Variants in LRMDA observed in about 807,000 individuals in gnomAD.
The protein encoded by LRMDA is leucine rich melanocyte differentiation associated.
Under a neutral mutation model 29.8 loss-of-function variants are expected in LRMDA, and 18 were observed. The ratio of observed to expected loss-of-function variants is 0.60; its 90% confidence interval spans 0.42 to 0.90. The LOEUF is 0.90. Among genes scored for constraint, LRMDA ranks in the 40% least tolerant of loss-of-function variants. The probability of loss-of-function intolerance (pLI) is 0.00; values close to 1 mark genes in which losing one functional copy is unlikely to be tolerated. For missense variants in LRMDA, 273 were observed against 273.9 expected, an observed-to-expected ratio of 1.00 and a Z score of 0.02; for synonymous variants, 125 against 109.4, an observed-to-expected ratio of 1.14 and a Z score of -0.89.
At chr10:76,264,339 A>G (rs534599279) in intron 5 of LRMDA, among the ~76,000 whole-genome samples, 3 of 142,060 alleles carry the variant, frequency 2.1e-5, no homozygotes, top group Non-Finnish European at 4.6e-5. Flanking sequence ...CCCAGGAGGC[A>G]GAGGTTGCAG....
Position 76,372,948 on chromosome 10 carries a change from T to A in LRMDA, c.601+48463T>A, listed in dbSNP as rs557394907. The stretch of plus-strand genomic sequence containing the variant: ...CTTCAGAAAAGGGTTCCATTTTTTT[T>A]AAAAAGGGTCCTTATCAAGTGTATT... On this transcript the variant is annotated intron_variant, in intron 6 of 6. Transcript: ENST00000611255. 3.2e-3 allele frequency among the ~76,000 whole-genome samples: 483 copies of A among 152,206 alleles called. 4 individuals are homozygous for A. Among genetic ancestry groups the A allele is most frequent in the African/African-American group, 0.011 (449 of 41,512 alleles).
At chr10:76,392,846 A>G (rs569741170) in intron 6 of LRMDA, among the ~76,000 whole-genome samples, 1 of 152,144 alleles carries the variant, frequency 6.6e-6, no homozygotes, top group Admixed American at 6.5e-5. Context: ...CAACTTACTT[A>G]TACTCCCAGC....
intron 6 of LRMDA, among the ~76,000 whole-genome samples, chr10:76,452,773 G>C (rs1465346213): frequency 6.6e-6 from 1 of 152,160 alleles, no homozygotes; most frequent in African/African-American, 2.4e-5. Context: ...AAATGTTTAT[G>C]TATTTGTTTT....
chr10:75,871,736 CTGAT>C (rs1845114634), intron 2 of LRMDA, among the ~76,000 whole-genome samples: 1 of 152,170 alleles, frequency 6.6e-6, no homozygotes, highest in Admixed American at 6.5e-5. Flanking sequence ...CAATATCGGA[CTGAT>C]TGTGTTTTAA....
chr10:75,473,393 CAGTA>C (rs1170782760), intron 2 of LRMDA, among the ~76,000 whole-genome samples: 1 of 152,196 alleles, frequency 6.6e-6, no homozygotes, highest in Non-Finnish European at 1.5e-5. Flanking sequence ...ACAGAGATGA[CAGTA>C]AGTGTTACTC....
At chr10:76,139,363 C>T (rs746049708) in intron 5 of LRMDA, among the ~76,000 whole-genome samples, 78 of 152,048 alleles carry the variant, frequency 5.1e-4, no homozygotes, top group Non-Finnish European at 8.7e-4. Context: ...GCATATTATC[C>T]TACAATTTAA....
At chr10:76,232,457 G>A (rs1852075404) in intron 5 of LRMDA, among the ~76,000 whole-genome samples, 1 of 152,200 alleles carries the variant, frequency 6.6e-6, no homozygotes, top group African/African-American at 2.4e-5. Context: ...TCTTCATAGG[G>A]GAGAAGAGAG....
chr10:75,831,702 C>T (rs1844348782), intron 2 of LRMDA, among the ~76,000 whole-genome samples: 2 of 152,216 alleles, frequency 1.3e-5, no homozygotes, highest in South Asian at 2.1e-4. Context: ...GCTCCCCACC[C>T]CTGCAGCAAA....
intron 2 of LRMDA, among the ~76,000 whole-genome samples, chr10:75,774,439 A>G (rs1022827692): frequency 2.0e-5 from 3 of 152,284 alleles, no homozygotes; most frequent in Middle Eastern, 3.4e-3. Flanking sequence ...GTTAAATTCA[A>G]AAATAATTAA....
intron 2 of LRMDA, among the ~76,000 whole-genome samples, chr10:75,662,397 A>G (rs1041434403): frequency 6.6e-6 from 1 of 152,204 alleles, no homozygotes; most frequent in Non-Finnish European, 1.5e-5. Flanking sequence ...ACACGGAAAC[A>G]CATTAGAACT....
chr10:75,578,252 A>C (rs1001623521), intron 2 of LRMDA, among the ~76,000 whole-genome samples: 5 of 147,846 alleles, frequency 3.4e-5, no homozygotes, highest in Non-Finnish European at 4.5e-5. Flanking sequence ...AGCAGTTGCA[A>C]TTGAGTCTCT....
intron 5 of LRMDA, among the ~76,000 whole-genome samples, chr10:76,276,357 T>G (rs1425698601): frequency 2.0e-5 from 3 of 152,030 alleles, no homozygotes; most frequent in African/African-American, 7.2e-5. Context: ...TTGTCCAGAC[T>G]GGTCTCAAGC....
intron 2 of LRMDA, among the ~76,000 whole-genome samples, chr10:75,987,990 A>C (rs759400689): frequency 6.6e-6 from 1 of 152,202 alleles, no homozygotes; most frequent in Non-Finnish European, 1.5e-5. Context: ...ATGGCCAGAT[A>C]CTTTCATTAA....
chr10:75,854,404 A>AC (rs1040212762), intron 2 of LRMDA, among the ~76,000 whole-genome samples: 3 of 151,264 alleles, frequency 2.0e-5, no homozygotes, highest in Admixed American at 2.0e-4. Flanking sequence ...AATATTGGCC[A>AC]CCCCCCATGC....
intron 2 of LRMDA, among the ~76,000 whole-genome samples, chr10:75,879,183 G>T (rs796325581): frequency 1.6e-4 from 24 of 152,262 alleles, no homozygotes; most frequent in African/African-American, 5.5e-4. Context: ...GGGTGGTGGC[G>T]GCGTGAGGAG....
chr10:76,032,074 C>T (rs1848158709), intron 2 of LRMDA, among the ~76,000 whole-genome samples: 1 of 152,200 alleles, frequency 6.6e-6, no homozygotes. Context: ...TGGTTTTTGG[C>T]TGGGCAAGGG....
chr10:76,417,280 T>C (rs765565219), intron 6 of LRMDA, among the ~76,000 whole-genome samples: 1 of 152,222 alleles, frequency 6.6e-6, no homozygotes, highest in Non-Finnish European at 1.5e-5. Flanking sequence ...TATTAGCATG[T>C]CTTTCAAGTG....
At chr10:75,692,802 A>G (rs1422082589) in intron 2 of LRMDA, among the ~76,000 whole-genome samples, 1 of 152,106 alleles carries the variant, frequency 6.6e-6, no homozygotes, top group Non-Finnish European at 1.5e-5. Context: ...GGAGAATGGC[A>G]GAGGAGTACC....
At chr10:75,910,337 CT>C (rs1380684896) in intron 2 of LRMDA, among the ~76,000 whole-genome samples, 1 of 152,116 alleles carries the variant, frequency 6.6e-6, no homozygotes, top group Non-Finnish European at 1.5e-5. Flanking sequence ...TTGCTCATTT[CT>C]TTTTCTAGTT....
Sources: gnomAD v4.1 joint callset for allele counts (sites outside exome capture counted in the v4.1 genomes callset) on GRCh38, gnomAD v4.1.1 for gene constraint, MANE v1.5 for transcripts, NCBI Gene and HGNC (gene_info 2026-07-23, HGNC 2026-07-21) for gene names.